Variants in MCTP1 observed in about 807,000 individuals in gnomAD.
MCTP1 encodes the protein multiple C2 and transmembrane domain-containing protein 1.
MCTP1 carries 69 observed loss-of-function variants against 120.6 expected under a neutral mutation model. That is an observed-to-expected ratio of 0.57 (90% CI 0.47 to 0.70). The LOEUF is 0.70. Among genes scored for constraint, MCTP1 ranks in the 30% least tolerant of loss-of-function variants. The pLI, the probability that MCTP1 is intolerant of heterozygous loss-of-function variation, is 0.00. For missense variants in MCTP1, 1,203 were observed against 1,248.8 expected (o/e 0.96, Z 0.55); for synonymous variants, 529 against 493.1 (o/e 1.07, Z -0.96).
chr5:94,886,508 G>A (rs147720302), intron 12 of MCTP1, among the ~76,000 whole-genome samples: 12 of 152,214 alleles, frequency 7.9e-5, no homozygotes, highest in African/African-American at 2.4e-4. Context: ...GATTTGTCTC[G>A]TTAGACTTAT....
chr5:94,755,747 A>C (rs1325735033), intron 19 of MCTP1, among the ~76,000 whole-genome samples: 1 of 152,160 alleles, frequency 6.6e-6, no homozygotes, highest in Non-Finnish European at 1.5e-5. Flanking sequence ...CATTCTCCAC[A>C]GAACTGTCCT....
At chr5:95,276,844 C>T (rs1244758407) in intron 1 of MCTP1, among the ~76,000 whole-genome samples, 5 of 151,658 alleles carry the variant, frequency 3.3e-5, no homozygotes, top group African/African-American at 4.8e-5. Flanking sequence ...CTCAGCTACT[C>T]GGGAGGCTGA....
chr5:95,194,387 T>C lies in MCTP1; in HGVS notation c.720+89469A>G, dbSNP rs1459113059. On this transcript the variant is annotated intron_variant, in intron 1 of 22. Coordinates refer to ENST00000515393, the MANE Select transcript of MCTP1 (RefSeq NM_024717.7). ...ACCCTCACTCTACTGCGTGGAAAAA[T>C]TACCTGCCATGGTGAACGGGAAACT... Among the ~76,000 whole-genome samples, 4 of 151,886 alleles carry C rather than the reference T, an allele frequency of 2.6e-5. 1 individual carries two copies. Among genetic ancestry groups the C allele is most frequent in the Non-Finnish European group, 5.9e-5 (4 of 67,966 alleles).
chr5:94,957,531 G>T (rs191172632), intron 2 of MCTP1, among the ~76,000 whole-genome samples: 72 of 151,980 alleles, frequency 4.7e-4, no homozygotes, highest in Non-Finnish European at 9.0e-4. Context: ...CACGTGCAAA[G>T]ACATGCACAG....
intron 19 of MCTP1, among the ~76,000 whole-genome samples, chr5:94,762,593 C>G (rs1294450186): frequency 6.6e-6 from 1 of 152,226 alleles, no homozygotes; most frequent in East Asian, 1.9e-4. Flanking sequence ...CATTCTCTGT[C>G]TATTCTGAGC....
intron 1 of MCTP1, among the ~76,000 whole-genome samples, chr5:95,100,381 A>C (rs1360775252): frequency 6.6e-6 from 1 of 152,244 alleles, no homozygotes; most frequent in Non-Finnish European, 1.5e-5. Context: ...CCCATCTGAG[A>C]GTAAATCAGT....
At chr5:94,861,490 T>G (rs932626811) in intron 17 of MCTP1, among the ~76,000 whole-genome samples, 5 of 151,874 alleles carry the variant, frequency 3.3e-5, no homozygotes, top group African/African-American at 1.2e-4. Flanking sequence ...AGCATATTAA[T>G]GACTGAATCT....
chr5:94,933,923 C>T (rs973243935), intron 5 of MCTP1, among the ~76,000 whole-genome samples: 1 of 151,700 alleles, frequency 6.6e-6, no homozygotes, highest in Non-Finnish European at 1.5e-5. Context: ...GAAACTGATA[C>T]AATAAAAAGT....
intron 1 of MCTP1, among the ~76,000 whole-genome samples, chr5:95,109,895 CT>C (rs145186203): frequency 0.052 from 7,880 of 152,102 alleles, 265 homozygotes; most frequent in Non-Finnish European, 0.078. Context: ...ATATGCAAAA[CT>C]TTTTTTTAAA....
chr5:94,963,648 T>C (rs776944952), intron 2 of MCTP1, among the ~76,000 whole-genome samples: 1 of 152,102 alleles, frequency 6.6e-6, no homozygotes, highest in Non-Finnish European at 1.5e-5. Context: ...CATTTTGTTT[T>C]GGTAATCGAG....
intron 1 of MCTP1, among the ~76,000 whole-genome samples, chr5:95,153,175 G>T (rs762743515): frequency 6.6e-6 from 1 of 152,114 alleles, no homozygotes; most frequent in Non-Finnish European, 1.5e-5. Context: ...GTTCTCCCAT[G>T]CTGTTCTCAT....
intron 19 of MCTP1, among the ~76,000 whole-genome samples, chr5:94,768,713 G>A (rs1000722899): frequency 6.6e-6 from 1 of 152,026 alleles, no homozygotes; most frequent in African/African-American, 2.4e-5. Flanking sequence ...TAAGATGGCT[G>A]TTATCAAAAA....
At chr5:94,919,392 C>T (rs765942823) in intron 7 of MCTP1, among the ~76,000 whole-genome samples, 29 of 151,770 alleles carry the variant, frequency 1.9e-4, no homozygotes, top group Non-Finnish European at 3.8e-4. Flanking sequence ...TAAAAAAAAT[C>T]GATTTAGACT....
intron 1 of MCTP1, among the ~76,000 whole-genome samples, chr5:95,113,303 A>G (rs774079246): frequency 6.6e-5 from 10 of 152,092 alleles, no homozygotes; most frequent in Non-Finnish European, 1.5e-4. Context: ...AAAAACCACC[A>G]TCATAAGAAC....
chr5:95,233,119 G>T (rs1329785416), intron 1 of MCTP1, among the ~76,000 whole-genome samples: 1 of 152,134 alleles, frequency 6.6e-6, no homozygotes, highest in East Asian at 1.9e-4. Context: ...GACATTTGTT[G>T]AACATTATAT....
At chr5:95,169,297 C>T (rs1746887840) in intron 1 of MCTP1, among the ~76,000 whole-genome samples, 1 of 152,186 alleles carries the variant, frequency 6.6e-6, no homozygotes, top group African/African-American at 2.4e-5. Context: ...ATTCGGTTTG[C>T]CAGTATTTTA....
At chr5:94,990,728 G>A (rs1831380910) in intron 2 of MCTP1, among the ~76,000 whole-genome samples, 1 of 152,112 alleles carries the variant, frequency 6.6e-6, no homozygotes, top group Non-Finnish European at 1.5e-5. Context: ...ACAAAGACAT[G>A]GATCATTAGA....
intron 1 of MCTP1, among the ~76,000 whole-genome samples, chr5:95,253,985 A>G (rs1757633249): frequency 6.6e-6 from 1 of 152,140 alleles, no homozygotes; most frequent in Admixed American, 6.6e-5. Flanking sequence ...TAAAAACTCA[A>G]GTCAAGCAAC....
intron 1 of MCTP1, among the ~76,000 whole-genome samples, chr5:95,257,641 T>C (rs1338646448): frequency 6.6e-6 from 1 of 152,194 alleles, no homozygotes; most frequent in Non-Finnish European, 1.5e-5. Context: ...GCACACTTAG[T>C]GCCCAGATCT....
Sources: allele counts gnomAD v4.1 joint callset (sites outside exome capture counted in the v4.1 genomes callset), GRCh38; gene constraint gnomAD v4.1.1; transcripts MANE v1.5; gene names NCBI Gene and HGNC (gene_info 2026-07-23, HGNC 2026-07-21).